Variants in EMCN observed in about 807,000 individuals in gnomAD.
The protein encoded by EMCN is endomucin, also known as MUC-14.
A neutral mutation model predicts 38.4 loss-of-function variants in EMCN; 37 were observed. That is an observed-to-expected ratio of 0.96 (90% confidence interval 0.74 to 1.27). The LOEUF (loss-of-function observed/expected upper bound fraction) is 1.27, where lower values mean the gene tolerates loss of function less well. Among genes scored for constraint, EMCN ranks in the 50% most tolerant of loss-of-function variants. The pLI, the probability that EMCN is intolerant of heterozygous loss-of-function variation, is 0.00. For synonymous variants in EMCN, 95 were observed against 100.8 expected, an observed-to-expected ratio of 0.94 and a Z score of 0.35; for missense variants, 318 against 302.8, an observed-to-expected ratio of 1.05 and a Z score of -0.37.
At chr4:100,512,115 T>C (rs1729639423) in intron 1 of EMCN, among the ~76,000 whole-genome samples, 1 of 152,172 alleles carries the variant, frequency 6.6e-6, no homozygotes, top group Non-Finnish European at 1.5e-5. Context: ...CTGGTTGCCA[T>C]AGCAATGGCT....
At chr4:100,494,028 A>G (rs1729150136) in intron 1 of EMCN, among the ~76,000 whole-genome samples, 1 of 152,168 alleles carries the variant, frequency 6.6e-6, no homozygotes, top group Non-Finnish European at 1.5e-5. Context: ...ACAAAAACAT[A>G]TCTTTTCCTT....
At chr4:100,498,585 G>C (rs965050188) in intron 1 of EMCN, among the ~76,000 whole-genome samples, 1 of 151,682 alleles carries the variant, frequency 6.6e-6, no homozygotes, top group African/African-American at 2.4e-5. Context: ...GGGTTCAAGC[G>C]ATTCTCCTGC....
rs567543757 is a variant in EMCN at position 100,410,212 on chromosome 4, A to G, written c.*39+70T>C. ...CAGCTTTTGAAATTCTTTAAAAACAATCTAAGCTGCACCAGGCTAACAAAA... is the reference window on the plus strand; with the variant it reads ...CAGCTTTTGAAATTCTTTAAAAACAGTCTAAGCTGCACCAGGCTAACAAAA... On this transcript the variant is annotated intron_variant, in intron 11 of 11. Transcript: ENST00000296420. 13 of 1,064,972 alleles carry G rather than the reference A, an allele frequency of 1.2e-5. No individual in the cohort carries two copies. In the African/African-American group the frequency reaches 1.6e-4, roughly 13 times the overall value. 66.0% of individuals were successfully genotyped at this position (1,064,972 alleles called of 1,614,324 possible).
chr4:100,399,633 T>A (rs1726203562), intron 11 of EMCN, among the ~76,000 whole-genome samples: 1 of 152,142 alleles, frequency 6.6e-6, no homozygotes, highest in South Asian at 2.1e-4. Context: ...ATAGCTTAAG[T>A]ACCATGATTA....
At chr4:100,401,959 AGTT>A in intron 11 of EMCN, among the ~76,000 whole-genome samples, 2 of 152,164 alleles carry the variant, frequency 1.3e-5, no homozygotes, top group Non-Finnish European at 1.5e-5. Context: ...TCAATTCTAA[AGTT>A]GTTATTTTTC....
At chr4:100,411,209 C>T (rs1005238509) in intron 10 of EMCN, among the ~76,000 whole-genome samples, 1 of 152,146 alleles carries the variant, frequency 6.6e-6, no homozygotes, top group South Asian at 2.1e-4. Context: ...AAATTCAAGA[C>T]TCCTCTTCAA....
chr4:100,492,281 G>T (rs1218278816), intron 1 of EMCN, among the ~76,000 whole-genome samples: 1 of 152,030 alleles, frequency 6.6e-6, no homozygotes, highest in Non-Finnish European at 1.5e-5. Context: ...ACTGAAAAAT[G>T]CAATAGAAAG....
rs1726133218 is a variant in EMCN, at chr4:100,396,797, C to T, written c.*1616G>A. ...TTTTTTTTTTTTCTGAAGACAAATG[C>T]TCTCTGATTGGCATGCTCCAGTCAC... On this transcript the variant is annotated 3_prime_UTR_variant, in exon 12 of 12. Transcript: ENST00000296420. 6.6e-6 allele frequency: 1 copy of T among 151,360 alleles called. No individual in the cohort carries two copies. The highest frequency in any genetic ancestry group is 1.5e-5 in the Non-Finnish European group (1 of 67,904). The allele number at this position is 151,360 out of a possible 1,614,324, so 9.4% of individuals were successfully genotyped here.
chr4:100,467,681 C>CAAAAAA (rs3974786), intron 3 of EMCN, among the ~76,000 whole-genome samples: 1 of 83,620 alleles, frequency 1.2e-5, no homozygotes, highest in African/African-American at 5.3e-5. Flanking sequence ...GACTCCGTCT[C>CAAAAAA]AAAAAAAAAA....
intron 5 of EMCN, among the ~76,000 whole-genome samples, chr4:100,433,734 C>T (rs766472968): frequency 2.0e-5 from 3 of 151,970 alleles, no homozygotes; most frequent in Non-Finnish European, 4.4e-5. Context: ...CGGGGTTTCA[C>T]CATGTTGGCC....
At chr4:100,410,549 C>T (rs913835939) in intron 10 of EMCN, among the ~76,000 whole-genome samples, 194 bp from the exon 11 acceptor site, 1 of 152,106 alleles carries the variant, frequency 6.6e-6, no homozygotes, top group Non-Finnish European at 1.5e-5. Flanking sequence ...CAGACATCAT[C>T]TGTTTTCACT....
intron 10 of EMCN, among the ~76,000 whole-genome samples, chr4:100,412,359 A>G (rs1164492713): frequency 4.6e-5 from 7 of 152,190 alleles, no homozygotes; most frequent in African/African-American, 1.7e-4. Flanking sequence ...ATTCTAATGA[A>G]TTCAGATCTG....
intron 4 of EMCN, among the ~76,000 whole-genome samples, chr4:100,452,919 C>A (rs1578203509): frequency 6.6e-6 from 1 of 151,970 alleles, no homozygotes; most frequent in South Asian, 2.1e-4. Flanking sequence ...CAAAAACAAG[C>A]AATAGGGAAA....
intron 11 of EMCN, among the ~76,000 whole-genome samples, chr4:100,404,117 A>G (rs1403920334): frequency 6.6e-6 from 1 of 151,614 alleles, no homozygotes; most frequent in Non-Finnish European, 1.5e-5. Flanking sequence ...TTGCTTTTGG[A>G]GTCTTCATCA....
At chr4:100,468,481 A>C (rs1320125859) in intron 3 of EMCN, among the ~76,000 whole-genome samples, 1 of 152,178 alleles carries the variant, frequency 6.6e-6, no homozygotes, top group Non-Finnish European at 1.5e-5. Flanking sequence ...TTGGAATTAC[A>C]TAATTTGAAT....
In EMCN at chr4:100,457,470, T is replaced by G. The variant is rs78599812; in HGVS notation, c.376+7953A>C. On this transcript the variant is annotated intron_variant, in intron 4 of 11. Coordinates refer to ENST00000296420, the MANE Select transcript of EMCN (RefSeq NM_016242.4). ...TATGAACTTTATTATTTGGGGCAATTTTTAAAAATTTATAGTTTATTGAGC... is the reference window on the plus strand; with the variant it reads ...TATGAACTTTATTATTTGGGGCAATGTTTAAAAATTTATAGTTTATTGAGC... Among the ~76,000 whole-genome samples, 362 of 152,300 alleles carry G rather than the reference T, an allele frequency of 2.4e-3. 6 individuals carry two copies. The highest frequency in any genetic ancestry group is 8.2e-3 in the African/African-American group (341 of 41,558).
At chr4:100,517,309 T>C (rs1338666546) in intron 1 of EMCN, among the ~76,000 whole-genome samples, 1 of 152,110 alleles carries the variant, frequency 6.6e-6, no homozygotes, top group Admixed American at 6.6e-5. Context: ...CAAAAATCTA[T>C]AGACTGTAAT....
At chr4:100,400,547 C>G (rs140829027) in intron 11 of EMCN, among the ~76,000 whole-genome samples, 2 of 152,110 alleles carry the variant, frequency 1.3e-5, no homozygotes, top group Non-Finnish European at 2.9e-5. Context: ...TCCTTGAGAA[C>G]TGCAACCATG....
chr4:100,467,501 A>AC (rs1042242929), intron 3 of EMCN, among the ~76,000 whole-genome samples: 1 of 151,216 alleles, frequency 6.6e-6, no homozygotes, highest in South Asian at 2.1e-4. Flanking sequence ...ACACGGTGAA[A>AC]CCCCGTCTCT....
Sources: allele counts gnomAD v4.1 joint callset (sites outside exome capture counted in the v4.1 genomes callset), GRCh38; gene constraint gnomAD v4.1.1; transcripts MANE v1.5; gene names NCBI Gene and HGNC (gene_info 2026-07-23, HGNC 2026-07-21).